RSBN1L: variants seen among roughly 807,000 people sequenced by gnomAD.
The protein encoded by RSBN1L is lysine-specific demethylase RSBN1L.
Under a neutral mutation model 67.7 loss-of-function variants are expected in RSBN1L, and 30 were observed. The observed-to-expected ratio is 0.44, with a 90% CI of 0.33 to 0.60. The LOEUF is 0.60. Among genes scored for constraint, RSBN1L ranks in the 20% least tolerant of loss-of-function variants. RSBN1L has a pLI of 0.02. For missense variants in RSBN1L, 992 were observed against 1,031.7 expected (o/e 0.96, Z 0.53); for synonymous variants, 433 against 387.0 (o/e 1.12, Z -1.39).
intron 1 of RSBN1L, among the ~76,000 whole-genome samples, chr7:77,733,020 G>A (rs1012466579): frequency 2.0e-5 from 3 of 152,150 alleles, no homozygotes; most frequent in East Asian, 3.9e-4. Flanking sequence ...TGGGCTGGGC[G>A]TGGTGGCTTA....
chr7:77,710,300 C>A lies in RSBN1L; in HGVS notation c.586+13245C>A, dbSNP rs1385865618. Among the ~76,000 whole-genome samples, 3 of 152,322 alleles carry A rather than the reference C, an allele frequency of 2.0e-5. No homozygotes were observed. The East Asian group carries it at 5.8e-4, about 29-fold the overall frequency. On this transcript the variant is annotated intron_variant, in intron 1 of 7. Transcript: ENST00000334955. ...CTCATCTAAATGCATGTCTAATCATCTCACTTTTCTGTTTATGGGATGAAG... is the reference window on the plus strand; with the variant it reads ...CTCATCTAAATGCATGTCTAATCATATCACTTTTCTGTTTATGGGATGAAG...
At chr7:77,721,781 T>G (rs1022745929) in intron 1 of RSBN1L, among the ~76,000 whole-genome samples, 19 of 152,200 alleles carry the variant, frequency 1.2e-4, no homozygotes, top group African/African-American at 4.3e-4. Context: ...TATGGGAGTT[T>G]TCTGTTTTTA....
chr7:77,749,560 C>T lies in RSBN1L; in HGVS notation c.840C>T (p.Cys280=), dbSNP rs753173889. The T allele has an allele frequency of 1.2e-6, 2 of 1,613,862 alleles. No homozygotes were observed. Among genetic ancestry groups the T allele is most frequent in the African/African-American group, 2.7e-5 (2 of 74,998 alleles). Residue 280 remains cysteine, a synonymous_variant, in exon 3 of 8, where the codon TGC becomes TGT. Transcript: ENST00000334955. ...ATAGCAAATCTATTCAGACCATCTG[C>T]TCAGGATTGCTAACTGATGTTGAAG... ...KMYSKSIQTI[C]SGLLTDVEDQ... is the part of the protein sequence containing the mutation.
At chr7:77,741,054 T>C (rs1791403512) in intron 2 of RSBN1L, among the ~76,000 whole-genome samples, 1 of 150,488 alleles carries the variant, frequency 6.6e-6, no homozygotes, top group African/African-American at 2.5e-5. Flanking sequence ...TGGCACAGTC[T>C]GGGCTCACTG....
At chr7:77,727,428 A>G (rs1306344107) in intron 1 of RSBN1L, among the ~76,000 whole-genome samples, 1 of 152,164 alleles carries the variant, frequency 6.6e-6, no homozygotes, top group African/African-American at 2.4e-5. Flanking sequence ...TAAAATGCTC[A>G]TACTACTTTT....
chr7:77,727,287 A>G (rs1006404935), intron 1 of RSBN1L, among the ~76,000 whole-genome samples: 4 of 151,756 alleles, frequency 2.6e-5, no homozygotes, highest in African/African-American at 9.7e-5. Flanking sequence ...GGGTTTCTCC[A>G]TGTTGGTGAG....
rs1235051968 is a variant in RSBN1L at position 77,736,645 on chromosome 7, A to G, written c.703+119A>G. The G allele has an allele frequency of 1.1e-5, 5 of 443,756 alleles. No homozygotes were observed. The East Asian group carries it at 2.4e-4, about 21-fold the overall frequency. The allele number at this position is 443,756 out of a possible 1,614,324, so 27.5% of individuals were successfully genotyped here. A position where few individuals can be genotyped will look rare whatever the true frequency, so the allele number is the denominator to read the frequency against. On this transcript the variant is annotated intron_variant, in intron 2 of 7. Coordinates refer to ENST00000334955, the MANE Select transcript of RSBN1L (RefSeq NM_198467.3). ...TGAATTTTGCGGAGAATGAACAATG[A>G]TGAGGAAATGAAAAGTAAATGTAAC...
intron 1 of RSBN1L, among the ~76,000 whole-genome samples, chr7:77,704,224 CTT>C (rs1790858731): frequency 6.6e-6 from 1 of 152,094 alleles, no homozygotes; most frequent in Non-Finnish European, 1.5e-5. Context: ...ACAATACTAA[CTT>C]TTTGAAAGAA....
At chr7:77,767,033 T>C (rs1332006160) in intron 4 of RSBN1L, among the ~76,000 whole-genome samples, 4 of 125,358 alleles carry the variant, frequency 3.2e-5, no homozygotes, top group Admixed American at 8.0e-5. Flanking sequence ...TCCCCTTCCC[T>C]TTCCCCTTCC....
intron 1 of RSBN1L, among the ~76,000 whole-genome samples, chr7:77,700,256 A>G (rs989072384): frequency 1.3e-5 from 2 of 152,186 alleles, no homozygotes; most frequent in African/African-American, 4.8e-5. Flanking sequence ...CAAAATTTAG[A>G]ATTATTTTAT....
At chr7:77,769,213 T>C (rs929490241) in intron 5 of RSBN1L, among the ~76,000 whole-genome samples, 1 of 152,188 alleles carries the variant, frequency 6.6e-6, no homozygotes, top group Non-Finnish European at 1.5e-5. Flanking sequence ...GACTAACACT[T>C]CCAGTCCTGG....
chr7:77,778,461 C>G lies in RSBN1L; in HGVS notation c.1902+15C>G, dbSNP rs770571761. ...CACTGTCCCAGGTATTTTTAATACA[C>G]TTACTGTCTTTGGTTTAGTTTTTAT... On this transcript the variant is annotated intron_variant, in intron 7 of 7. Transcript: ENST00000334955. 1 of 1,597,410 alleles carries G rather than the reference C, an allele frequency of 6.3e-7. No individual in the cohort carries two copies. Among genetic ancestry groups the G allele is most frequent in the Non-Finnish European group, 8.5e-7 (1 of 1,171,276 alleles).
chr7:77,750,323 C>CTTTTTTT (rs1791541128), intron 3 of RSBN1L, among the ~76,000 whole-genome samples: 1 of 47,610 alleles, frequency 2.1e-5, no homozygotes, highest in African/African-American at 1.0e-4. Flanking sequence ...TTTTTTTTTG[C>CTTTTTTT]AAGGAGTGGT....
At chr7:77,722,510 C>T (rs1791133361) in intron 1 of RSBN1L, among the ~76,000 whole-genome samples, 1 of 152,126 alleles carries the variant, frequency 6.6e-6, no homozygotes, top group African/African-American at 2.4e-5. Flanking sequence ...GATTTTTTAG[C>T]TTTGATTAGC....
chr7:77,747,210 A>G (rs1333141025), intron 2 of RSBN1L, among the ~76,000 whole-genome samples: 1 of 152,328 alleles, frequency 6.6e-6, no homozygotes, highest in East Asian at 1.9e-4. Flanking sequence ...CATGTGGTAG[A>G]AAAGAAAAGC....
intron 6 of RSBN1L, among the ~76,000 whole-genome samples, chr7:77,776,714 T>A (rs1280629887): frequency 2.0e-5 from 3 of 148,394 alleles, no homozygotes; most frequent in Admixed American, 1.3e-4. Flanking sequence ...TTTGTTAATA[T>A]AGCCAATTCA....
rs1356151563 is a variant in RSBN1L, at chr7:77,696,542, C to G, written c.73C>G (p.Pro25Ala). ...CACCGCCACCGTCTCGGAGAAAGAA[C>G]CGTTTGGCAAGCTGCAACTCTCCTC... ...APTATVSEKE[P>A]FGKLQLSSRD... The change falls in exon 1 of 8, where the codon CCG becomes GCG. Residue 25 changes from proline to alanine, a missense_variant. Physicochemically the swap from Pro to Ala is conservative, Grantham distance 27 (BLOSUM62 -1). This residue lies in a region of RSBN1L where 575 missense variants were observed against 483.2 expected (regional missense o/e 1.19). Coordinates refer to ENST00000334955, the MANE Select transcript of RSBN1L (RefSeq NM_198467.3). The G allele has an allele frequency of 6.2e-7, 1 of 1,614,074 alleles. No individual in the cohort carries two copies. The highest frequency in any genetic ancestry group is 1.7e-5 in the Admixed American group (1 of 60,028).
chr7:77,704,777 G>C (rs1324959857), intron 1 of RSBN1L, among the ~76,000 whole-genome samples: 1 of 151,904 alleles, frequency 6.6e-6, no homozygotes, highest in Non-Finnish European at 1.5e-5. Context: ...CAAGGAGTTC[G>C]AGACTAGCCT....
At chr7:77,757,797 A>T (rs1791638810) in intron 3 of RSBN1L, among the ~76,000 whole-genome samples, 2 of 152,180 alleles carry the variant, frequency 1.3e-5, no homozygotes, top group South Asian at 4.1e-4. Context: ...GCTCATTTGC[A>T]TGGTGGTGGT....
Sources: gnomAD v4.1 joint callset for allele counts (sites outside exome capture counted in the v4.1 genomes callset) on GRCh38, gnomAD v4.1.1 for gene constraint, gnomAD v4.1.1 regional missense constraint, MANE v1.5 for transcripts, NCBI Gene and HGNC (gene_info 2026-07-23, HGNC 2026-07-21) for gene names.